Variants in LRP6 observed in about 807,000 individuals in gnomAD.
The protein encoded by LRP6 is LDL receptor related protein 6, also known as low-density lipoprotein receptor-related protein 6.
Under a neutral mutation model 184.1 loss-of-function variants are expected in LRP6, and 43 were observed. The ratio of observed to expected loss-of-function variants is 0.23; its 90% CI spans 0.18 to 0.30. The LOEUF is 0.30. Among genes scored for constraint, LRP6 ranks in the 10% least tolerant of loss-of-function variants. The pLI, the probability that LRP6 is intolerant of heterozygous loss-of-function variation, is 1.00. For synonymous variants in LRP6, 719 were observed against 684.9 expected, an observed-to-expected ratio of 1.05 and a Z score of -0.78; for missense variants, 1,571 against 2,005.3, an observed-to-expected ratio of 0.78 and a Z score of 4.14.
At chr12:12,139,099 A>AC in intron 15 of LRP6, 3 of 891,498 alleles carry the variant, frequency 3.4e-6, no homozygotes, top group Non-Finnish European at 3.0e-6. Flanking sequence ...CTGTGTTCAT[A>AC]CCCCCCACCC....
intron 17 of LRP6, among the ~76,000 whole-genome samples, chr12:12,133,723 C>T (rs536879707): frequency 1.3e-3 from 194 of 151,588 alleles, no homozygotes; most frequent in Middle Eastern, 3.4e-3. Context: ...TATTTTCAAA[C>T]TGGAAGATGA....
At chr12:12,261,014 C>T (rs1383956998) in intron 1 of LRP6, among the ~76,000 whole-genome samples, 4 of 152,140 alleles carry the variant, frequency 2.6e-5, no homozygotes, top group African/African-American at 9.7e-5. Flanking sequence ...CCCAGAATCT[C>T]CTTTGATATT....
At chr12:12,161,922 C>T (rs1227751828) in intron 10 of LRP6, among the ~76,000 whole-genome samples, 1 of 146,316 alleles carries the variant, frequency 6.8e-6, no homozygotes, top group Non-Finnish European at 1.5e-5. Context: ...GGTATATATA[C>T]TTAACATATC....
At chr12:12,126,623 T>C (rs1949674989) in intron 20 of LRP6, 68 bp downstream of exon 20, 1 of 1,222,882 alleles carries the variant, frequency 8.2e-7, no homozygotes, top group Non-Finnish European at 1.2e-6. Flanking sequence ...AGTATTCTTT[T>C]CCACAATGGA....
rs556890999 is a variant in LRP6, at chr12:12,256,577, C to T, written c.55+10104G>A. 6.6e-5 allele frequency among the ~76,000 whole-genome samples: 10 copies of T among 152,152 alleles called. No homozygotes were observed. In the South Asian group the frequency reaches 8.3e-4, roughly 13 times the overall value. On this transcript the variant is annotated intron_variant, in intron 1 of 22. Coordinates refer to ENST00000261349, the MANE Select transcript of LRP6 (RefSeq NM_002336.3). ...AATCCCAGCACTTTGGGAGCCAAGG[C>T]AGGCAGATCACTTGAGGTCAGGAGG... is the stretch of plus-strand genomic sequence containing the variant.
In LRP6 at chr12:12,139,712, C is replaced by T. The variant is rs2136889352; in HGVS notation, c.3398-1178G>A. 1.3e-5 allele frequency among the ~76,000 whole-genome samples: 2 copies of T among 151,324 alleles called. 1 individual carries two copies. The highest frequency in any genetic ancestry group is 4.2e-4 in the South Asian group (2 of 4,786). On this transcript the variant is annotated intron_variant, in intron 15 of 22. Transcript: ENST00000261349. ...TGCAGCCTGGGTGACAGAGTGAGACCCTGTCTCAGGAAAAAAAAAAGAAAG... is the reference window on the plus strand; with the variant it reads ...TGCAGCCTGGGTGACAGAGTGAGACTCTGTCTCAGGAAAAAAAAAAGAAAG...
rs1949582544 is a variant in LRP6 at position 12,120,034 on chromosome 12, T to C, written c.*1092A>G. ...ATATATATATATATATATATATATA[T>C]ATATATATAAATGATTTCGTACTGT... is the stretch of plus-strand genomic sequence containing the variant. On this transcript the variant is annotated 3_prime_UTR_variant, in exon 23 of 23. Transcript: ENST00000261349. 1 of 119,242 alleles carries C rather than the reference T, an allele frequency of 8.4e-6. No individual in the cohort carries two copies. The highest frequency in any genetic ancestry group is 3.2e-5 in the African/African-American group (1 of 31,672). The allele number at this position is 119,242 out of a possible 1,614,324, so 7.4% of individuals were successfully genotyped here.
At position 12,118,605 on chromosome 12, in the gene LRP6, G is replaced by T. The variant is rs1277175092; in HGVS notation, c.*2521C>A. 1 of 151,928 alleles carries T rather than the reference G, an allele frequency of 6.6e-6. No individual in the cohort carries two copies. The highest frequency in any genetic ancestry group is 2.4e-5 in the African/African-American group (1 of 41,336). The allele number at this position is 151,928 out of a possible 1,614,324, so 9.4% of individuals were successfully genotyped here. A position where few individuals can be genotyped will look rare whatever the true frequency, so the allele number is the denominator to read the frequency against. On this transcript the variant is annotated 3_prime_UTR_variant, in exon 23 of 23. Coordinates refer to ENST00000261349, the MANE Select transcript of LRP6 (RefSeq NM_002336.3). ...ACTTTTCCAATTACAGCTTGTGTTT[G>T]ATAATCAATATACAGTTTACTTAAG...
chr12:12,195,489 A>C (rs1369187397), intron 3 of LRP6, among the ~76,000 whole-genome samples: 1 of 152,036 alleles, frequency 6.6e-6, no homozygotes, highest in Admixed American at 6.6e-5. Context: ...GGCCATTTAT[A>C]TGCCTTCTTT....
intron 7 of LRP6, among the ~76,000 whole-genome samples, chr12:12,170,933 T>A (rs575616049): frequency 2.6e-5 from 4 of 152,182 alleles, no homozygotes; most frequent in African/African-American, 9.6e-5. Context: ...AACAAAGACC[T>A]GATTCTTTCA....
intron 4 of LRP6, among the ~76,000 whole-genome samples, chr12:12,185,938 C>A (rs765621206): frequency 1.3e-5 from 2 of 151,434 alleles, no homozygotes; most frequent in Non-Finnish European, 2.9e-5. Context: ...CTCTGCCTCC[C>A]GGGTTCAAGC....
intron 16 of LRP6, among the ~76,000 whole-genome samples, chr12:12,137,581 T>C (rs1186125998): frequency 6.6e-6 from 1 of 152,166 alleles, no homozygotes; most frequent in Non-Finnish European, 1.5e-5. Context: ...TTGTTTTGCC[T>C]AAGAATAAGA....
intron 2 of LRP6, among the ~76,000 whole-genome samples, chr12:12,243,893 G>C (rs140986660): frequency 1.3e-5 from 2 of 152,260 alleles, no homozygotes; most frequent in Non-Finnish European, 2.9e-5. Flanking sequence ...TAGGATTACA[G>C]ATGTGCGCCA....
intron 6 of LRP6, among the ~76,000 whole-genome samples, chr12:12,180,189 C>T (rs1169834617): frequency 6.8e-6 from 1 of 146,054 alleles, no homozygotes; most frequent in Non-Finnish European, 1.5e-5. Flanking sequence ...TCAGTGTGTT[C>T]TAGAGCCAAT....
chr12:12,241,198 T>G (rs1343034151), intron 2 of LRP6, among the ~76,000 whole-genome samples: 1 of 152,192 alleles, frequency 6.6e-6, no homozygotes, highest in Non-Finnish European at 1.5e-5. Flanking sequence ...AATCAGCTCT[T>G]GTGAACCTCA....
intron 2 of LRP6, among the ~76,000 whole-genome samples, chr12:12,218,273 G>C (rs1864398459): frequency 6.6e-6 from 1 of 151,994 alleles, no homozygotes; most frequent in Non-Finnish European, 1.5e-5. Context: ...AGGAGTTCAA[G>C]ACCAGCCTGG....
At chr12:12,171,940 A>G (rs1279445828) in intron 7 of LRP6, among the ~76,000 whole-genome samples, 1 of 152,222 alleles carries the variant, frequency 6.6e-6, no homozygotes, top group South Asian at 2.1e-4. Flanking sequence ...GTCTATAAAT[A>G]CAGTTTAAGC....
chr12:12,248,412 G>A (rs557764074), intron 1 of LRP6, among the ~76,000 whole-genome samples: 346 of 148,464 alleles, frequency 2.3e-3, no homozygotes, highest in African/African-American at 8.4e-3. Flanking sequence ...TCACTCAACT[G>A]CAAGTGCTTC....
In LRP6 at chr12:12,266,673, C is replaced by T; in HGVS notation, c.55+8G>A. 6.2e-7 allele frequency: 1 copy of T among 1,613,098 alleles called. No homozygotes were observed. Among genetic ancestry groups the T allele is most frequent in the African/African-American group, 1.3e-5 (1 of 74,962 alleles). On this transcript the variant is annotated splice_region_variant and intron_variant, in intron 1 of 22. Coordinates refer to ENST00000261349, the MANE Select transcript of LRP6 (RefSeq NM_002336.3). ...CCACCAACTTTCCAGTGCCCCCACT[C>T]TTCCCACCTCTCAGGAGCACACAGA... is the stretch of plus-strand genomic sequence containing the variant.
Sources: allele counts gnomAD v4.1 joint callset (sites outside exome capture counted in the v4.1 genomes callset), GRCh38; gene constraint gnomAD v4.1.1; transcripts MANE v1.5; gene names NCBI Gene and HGNC (gene_info 2026-07-23, HGNC 2026-07-21).